The following CNTNAP2 variants were observed in gnomAD, a reference collection of about 807,000 sequenced individuals.
The protein encoded by CNTNAP2 is contactin associated protein 2.
A neutral mutation model predicts 155.2 loss-of-function variants in CNTNAP2; 98 were observed. The ratio of observed to expected loss-of-function variants is 0.63; its 90% CI spans 0.54 to 0.75. CNTNAP2 has a LOEUF of 0.75. Ranked by LOEUF, CNTNAP2 falls within the 30% of genes least tolerant of loss-of-function variation. CNTNAP2 has a pLI of 0.00. For missense variants in CNTNAP2, 1,727 were observed against 1,688.1 expected (o/e 1.02, Z -0.40); for synonymous variants, 651 against 631.2 (o/e 1.03, Z -0.47).
chr7:147,238,340 G>T (rs1175319393), intron 8 of CNTNAP2, among the ~76,000 whole-genome samples: 1 of 151,362 alleles, frequency 6.6e-6, no homozygotes. Context: ...CAAAATTTAG[G>T]GTCTACTACT....
At chr7:147,869,882 T>C (rs1485690893) in intron 13 of CNTNAP2, among the ~76,000 whole-genome samples, 5 of 152,214 alleles carry the variant, frequency 3.3e-5, no homozygotes, top group African/African-American at 1.2e-4. Context: ...TCCATTTAAA[T>C]TGATTATCTT....
chr7:146,222,541 AGTGTGT>A (rs10616515), intron 1 of CNTNAP2, among the ~76,000 whole-genome samples: 4,778 of 146,728 alleles, frequency 0.033, 82 homozygotes, highest in East Asian at 0.059. Flanking sequence ...ACTAAAGCAT[AGTGTGT>A]GTGTGTGTGT....
chr7:147,691,381 C>T (rs1165730741), intron 13 of CNTNAP2, among the ~76,000 whole-genome samples: 1 of 151,956 alleles, frequency 6.6e-6, no homozygotes, highest in Non-Finnish European at 1.5e-5. Context: ...TAAATATTCC[C>T]TGTGTGGCTT....
intron 17 of CNTNAP2, among the ~76,000 whole-genome samples, chr7:148,167,222 C>A (rs1290138811): frequency 6.6e-6 from 1 of 152,106 alleles, no homozygotes; most frequent in Non-Finnish European, 1.5e-5. Flanking sequence ...TCACTGCAAC[C>A]TCTGCCTCCC....
chr7:146,842,460 C>G (rs963642064), intron 3 of CNTNAP2, among the ~76,000 whole-genome samples: 1 of 151,978 alleles, frequency 6.6e-6, no homozygotes, highest in African/African-American at 2.4e-5. Context: ...AAAATCAAAA[C>G]AAGTTGGAGA....
chr7:146,496,899 T>G (rs1292708183), intron 1 of CNTNAP2, among the ~76,000 whole-genome samples: 1 of 152,212 alleles, frequency 6.6e-6, no homozygotes, highest in Non-Finnish European at 1.5e-5. Context: ...TAATGTGTTC[T>G]CAGTTCTTGA....
At chr7:148,215,463 T>G (rs993568824) in intron 18 of CNTNAP2, among the ~76,000 whole-genome samples, 2 of 152,110 alleles carry the variant, frequency 1.3e-5, no homozygotes, top group African/African-American at 4.8e-5. Context: ...ATAGTTCTTT[T>G]GATCAGGCAT....
chr7:148,362,282 G>T (rs1209029708), intron 21 of CNTNAP2, among the ~76,000 whole-genome samples: 2 of 152,104 alleles, frequency 1.3e-5, no homozygotes, highest in East Asian at 3.9e-4. Context: ...CCACCCCCAT[G>T]ATTCAATTAC....
intron 1 of CNTNAP2, among the ~76,000 whole-genome samples, chr7:146,228,447 A>G (rs1055322486): frequency 2.0e-5 from 3 of 152,206 alleles, no homozygotes; most frequent in Admixed American, 2.0e-4. Flanking sequence ...TAAAAGTTAA[A>G]TGAATGAATA....
At chr7:146,640,741 TTAATA>T (rs1184681192) in intron 1 of CNTNAP2, among the ~76,000 whole-genome samples, 1 of 152,184 alleles carries the variant, frequency 6.6e-6, no homozygotes, top group Non-Finnish European at 1.5e-5. Context: ...TTTCTCTTCT[TTAATA>T]TAAAGCATCT....
intron 4 of CNTNAP2, among the ~76,000 whole-genome samples, chr7:147,052,908 C>A (rs1799497707): frequency 1.3e-5 from 2 of 151,928 alleles, no homozygotes; most frequent in Non-Finnish European, 1.5e-5. Flanking sequence ...AAAAAAAATA[C>A]TGTAAGTTGT....
chr7:148,253,379 TC>T, intron 20 of CNTNAP2, among the ~76,000 whole-genome samples: 1 of 152,234 alleles, frequency 6.6e-6, no homozygotes, highest in Non-Finnish European at 1.5e-5. Flanking sequence ...ACACTTATTC[TC>T]CATATTACAT....
chr7:148,091,205 G>A (rs921046254), intron 15 of CNTNAP2, among the ~76,000 whole-genome samples: 1 of 152,130 alleles, frequency 6.6e-6, no homozygotes, highest in African/African-American at 2.4e-5. Flanking sequence ...AAATTGCTAT[G>A]AGAGTGGATT....
chr7:148,018,111 T>G (rs1422907639), intron 15 of CNTNAP2, among the ~76,000 whole-genome samples: 14 of 152,144 alleles, frequency 9.2e-5, no homozygotes, highest in Admixed American at 9.2e-4. Flanking sequence ...CTAGAAACTG[T>G]TTTTCATCAG....
chr7:148,159,838 G>A (rs1436434373), intron 17 of CNTNAP2, among the ~76,000 whole-genome samples: 1 of 152,148 alleles, frequency 6.6e-6, no homozygotes, highest in African/African-American at 2.4e-5. Context: ...CTAGTTAGAT[G>A]TGTTCATGAT....
At chr7:148,150,075 C>T (rs1206091472) in intron 17 of CNTNAP2, among the ~76,000 whole-genome samples, 2 of 139,944 alleles carry the variant, frequency 1.4e-5, no homozygotes, top group South Asian at 2.2e-4. Context: ...TAGAAGTCTA[C>T]CTCAGGTGAA....
chr7:147,907,421 T>G (rs1799982206), intron 14 of CNTNAP2, among the ~76,000 whole-genome samples: 1 of 152,208 alleles, frequency 6.6e-6, no homozygotes, highest in South Asian at 2.1e-4. Flanking sequence ...GAAAGAATGC[T>G]CTTGGAGAAA....
At chr7:148,223,020 C>T (rs1795780680) in intron 19 of CNTNAP2, among the ~76,000 whole-genome samples, 1 of 152,194 alleles carries the variant, frequency 6.6e-6, no homozygotes, top group South Asian at 2.1e-4. Flanking sequence ...TATTATTTCC[C>T]AGGTCCACGG....
intron 13 of CNTNAP2, among the ~76,000 whole-genome samples, chr7:147,646,428 A>AT (rs1359841988): frequency 6.6e-6 from 1 of 152,142 alleles, no homozygotes; most frequent in African/African-American, 2.4e-5. Context: ...AATGAATTAA[A>AT]TTTTTTCTTC....
Sources: gnomAD v4.1 joint callset for allele counts (sites outside exome capture counted in the v4.1 genomes callset) on GRCh38, gnomAD v4.1.1 for gene constraint, MANE v1.5 for transcripts, NCBI Gene and HGNC (gene_info 2026-07-23, HGNC 2026-07-21) for gene names.